The following SHISA6 variants were observed in gnomAD, a reference collection of about 807,000 sequenced individuals.
The protein encoded by SHISA6 is shisa family member 6, also known as protein shisa-6.
Under a neutral mutation model 47.9 loss-of-function variants are expected in SHISA6, and 22 were observed. The ratio of observed to expected loss-of-function variants is 0.46; its 90% CI spans 0.33 to 0.66. SHISA6 has a LOEUF of 0.66. SHISA6 is among the 30% of genes least tolerant of loss of function. SHISA6 has a pLI of 0.02. For synonymous variants in SHISA6, 388 were observed against 337.8 expected, an observed-to-expected ratio of 1.15 and a Z score of -1.63; for missense variants, 680 against 764.6, an observed-to-expected ratio of 0.89 and a Z score of 1.30.
intron 3 of SHISA6, among the ~76,000 whole-genome samples, chr17:11,484,836 A>C (rs1454872267): frequency 6.6e-6 from 1 of 152,222 alleles, no homozygotes; most frequent in Non-Finnish European, 1.5e-5. Flanking sequence ...AATTGAAAAA[A>C]TTGTCAGTGA....
At chr17:11,524,968 G>T (rs1396203660) in intron 3 of SHISA6, among the ~76,000 whole-genome samples, 1 of 152,148 alleles carries the variant, frequency 6.6e-6, no homozygotes, top group Non-Finnish European at 1.5e-5. Flanking sequence ...TGACGGGGGG[G>T]TAGATGATCC....
chr17:11,393,802 T>G (rs924536108), intron 3 of SHISA6, among the ~76,000 whole-genome samples: 3 of 152,206 alleles, frequency 2.0e-5, no homozygotes, highest in African/African-American at 4.8e-5. Flanking sequence ...CCCAGGCATC[T>G]TGCTCTGCTG....
chr17:11,337,120 C>T (rs1419221115), intron 2 of SHISA6, among the ~76,000 whole-genome samples: 3 of 152,044 alleles, frequency 2.0e-5, no homozygotes, highest in Non-Finnish European at 2.9e-5. Context: ...GTAGAATGTG[C>T]CTTATTTTAG....
chr17:11,373,608 GTGTTA>G (rs1328893333), intron 2 of SHISA6, among the ~76,000 whole-genome samples: 1 of 152,006 alleles, frequency 6.6e-6, no homozygotes, highest in East Asian at 1.9e-4. Flanking sequence ...ACAACATAAT[GTGTTA>G]TGTTGCATAT....
At chr17:11,361,282 T>C (rs1207308518) in intron 2 of SHISA6, among the ~76,000 whole-genome samples, 1 of 152,236 alleles carries the variant, frequency 6.6e-6, no homozygotes, top group Non-Finnish European at 1.5e-5. Flanking sequence ...GAACTGCTAG[T>C]AAATTAGTCT....
At chr17:11,242,085 C>G in intron 1 of SHISA6, 25 bp downstream of exon 1, 1 of 1,548,244 alleles carries the variant, frequency 6.5e-7, no homozygotes, top group Non-Finnish European at 8.7e-7. Context: ...TGCCGCGCGC[C>G]CCGGTCTCCC....
intron 2 of SHISA6, among the ~76,000 whole-genome samples, chr17:11,340,943 G>A (rs759978458): frequency 2.5e-4 from 38 of 152,360 alleles, no homozygotes; most frequent in Middle Eastern, 3.4e-3. Flanking sequence ...GCTGGGGCCT[G>A]TGGAGCCCTG....
At chr17:11,437,614 C>A (rs1327568048) in intron 3 of SHISA6, among the ~76,000 whole-genome samples, 2 of 152,176 alleles carry the variant, frequency 1.3e-5, no homozygotes, top group Non-Finnish European at 2.9e-5. Flanking sequence ...GGCTCTTTAG[C>A]AGTCAGATAG....
At chr17:11,310,348 C>A (rs1482580996) in intron 2 of SHISA6, among the ~76,000 whole-genome samples, 1 of 152,140 alleles carries the variant, frequency 6.6e-6, no homozygotes, top group Non-Finnish European at 1.5e-5. Context: ...CATTGTATAA[C>A]TTCACATAAT....
At chr17:11,502,897 G>A (rs1223387601) in intron 3 of SHISA6, among the ~76,000 whole-genome samples, 1 of 152,148 alleles carries the variant, frequency 6.6e-6, no homozygotes, top group Non-Finnish European at 1.5e-5. Context: ...GGATGGGTTT[G>A]GGCACAGAGC....
chr17:11,336,723 A>G (rs1313938912), intron 2 of SHISA6, among the ~76,000 whole-genome samples: 1 of 152,194 alleles, frequency 6.6e-6, no homozygotes, highest in African/African-American at 2.4e-5. Flanking sequence ...AACATCGTGC[A>G]ATTAAAGGCC....
intron 2 of SHISA6, among the ~76,000 whole-genome samples, chr17:11,360,233 G>A (rs914325471): frequency 3.3e-5 from 5 of 152,228 alleles, no homozygotes; most frequent in Non-Finnish European, 4.4e-5. Context: ...ACCAAATGCC[G>A]CATGTTCTCA....
intron 3 of SHISA6, among the ~76,000 whole-genome samples, chr17:11,433,393 CCCTGCAAAGGACATGAACTCA>C (rs1422636114): frequency 6.6e-6 from 1 of 152,144 alleles, no homozygotes; most frequent in East Asian, 1.9e-4. Flanking sequence ...CCATCCGTGT[CCCTGCAAAGGACATGAACTCA>C]TCCTTTTTTA....
chr17:11,318,748 C>T (rs144555666), intron 2 of SHISA6, among the ~76,000 whole-genome samples: 2 of 152,300 alleles, frequency 1.3e-5, no homozygotes, highest in East Asian at 3.9e-4. Context: ...ATTTGATAAA[C>T]GTTTATTAAA....
chr17:11,545,148 T>C (rs1258032553), intron 3 of SHISA6, among the ~76,000 whole-genome samples: 2 of 120,560 alleles, frequency 1.7e-5, no homozygotes, highest in Non-Finnish European at 3.3e-5. Flanking sequence ...AACAGGTCGA[T>C]GGTTTAAAAA....
At chr17:11,320,361 AAGAG>A (rs138415315) in intron 2 of SHISA6, among the ~76,000 whole-genome samples, 1 of 151,518 alleles carries the variant, frequency 6.6e-6, no homozygotes, top group Admixed American at 6.6e-5. Context: ...GGGCTGGTAT[AAGAG>A]AGAGAGAGAA....
At chr17:11,390,876 G>A (rs1037105696) in intron 3 of SHISA6, among the ~76,000 whole-genome samples, 2 of 152,198 alleles carry the variant, frequency 1.3e-5, no homozygotes, top group African/African-American at 4.8e-5. Flanking sequence ...GCAAAGATGA[G>A]TAAGACAGAT....
At position 11,508,377 on chromosome 17, in the gene SHISA6, A is replaced by C. The variant is rs1041490629; in HGVS notation, c.896-43519A>C. 2.6e-4 allele frequency among the ~76,000 whole-genome samples: 23 copies of C among 88,590 alleles called. 3 individuals carry two copies. Among genetic ancestry groups the C allele is most frequent in the African/African-American group, 7.8e-4 (18 of 23,042 alleles). 58.1% of individuals were successfully genotyped at this position (88,590 alleles called of 152,430 possible). A position where few individuals can be genotyped will look rare whatever the true frequency, so the allele number is the denominator to read the frequency against. On this transcript the variant is annotated intron_variant, in intron 3 of 5. Coordinates refer to ENST00000441885, the MANE Select transcript of SHISA6 (RefSeq NM_207386.4). The stretch of plus-strand genomic sequence containing the variant: ...GGTAAAAAGGGACAACTCCAATGTC[A>C]AGCCCCTTTATAAAGGCACCTAGCC...
At chr17:11,508,646 T>G (rs913077598) in intron 3 of SHISA6, among the ~76,000 whole-genome samples, 2 of 132,826 alleles carry the variant, frequency 1.5e-5, no homozygotes, top group African/African-American at 5.7e-5. Context: ...GGGTGCTTCA[T>G]GCAATATGGC....
Sources: gnomAD v4.1 joint callset for allele counts (sites outside exome capture counted in the v4.1 genomes callset) on GRCh38, gnomAD v4.1.1 for gene constraint, MANE v1.5 for transcripts, NCBI Gene and HGNC (gene_info 2026-07-23, HGNC 2026-07-21) for gene names.